The following SLC39A11 variants were observed in gnomAD, a reference collection of about 807,000 sequenced individuals.
SLC39A11 encodes the protein zinc transporter ZIP11.
Under a neutral mutation model 36.1 loss-of-function variants are expected in SLC39A11, and 33 were observed. The observed-to-expected ratio is 0.91, with a 90% CI of 0.69 to 1.22. The LOEUF (loss-of-function observed/expected upper bound fraction) is 1.22. Among genes scored for constraint, SLC39A11 ranks in the 50% most tolerant of loss-of-function variants. The pLI is 0.00. For synonymous variants in SLC39A11, 166 were observed against 170.3 expected, an observed-to-expected ratio of 0.97 and a Z score of 0.20; for missense variants, 432 against 430.3, an observed-to-expected ratio of 1.00 and a Z score of -0.03.
At chr17:72,737,881 G>T (rs2074499644) in intron 6 of SLC39A11, among the ~76,000 whole-genome samples, 1 of 152,168 alleles carries the variant, frequency 6.6e-6, no homozygotes, top group African/African-American at 2.4e-5. Flanking sequence ...GGCTGGGAAA[G>T]AGTCTACCCT....
chr17:72,849,608 T>G, intron 6 of SLC39A11, 26 bp downstream of exon 6: 1 of 1,464,704 alleles, frequency 6.8e-7, no homozygotes, highest in Non-Finnish European at 9.1e-7. Flanking sequence ...AGGCAGTGGC[T>G]GTCACGCTCA....
At chr17:72,681,977 C>T (rs927859390) in intron 7 of SLC39A11, among the ~76,000 whole-genome samples, 2 of 152,136 alleles carry the variant, frequency 1.3e-5, no homozygotes, top group Non-Finnish European at 2.9e-5. Flanking sequence ...GGCAAGCGAA[C>T]GAAGCTTCAT....
chr17:72,935,773 CG>C (rs1433855436), intron 5 of SLC39A11, among the ~76,000 whole-genome samples: 1 of 152,002 alleles, frequency 6.6e-6, no homozygotes, highest in African/African-American at 2.4e-5. Context: ...TTCGTAGACA[CG>C]GGGTTTCACC....
In SLC39A11 at chr17:72,773,972, A is replaced by C. The variant is rs373764153; in HGVS notation, c.602-37253T>G. On this transcript the variant is annotated intron_variant, in intron 6 of 9. Coordinates refer to ENST00000255559, the MANE Select transcript of SLC39A11 (RefSeq NM_139177.4). The stretch of plus-strand genomic sequence containing the variant: ...ATCTATGTTTCCTCTTACACCAAAG[A>C]GCAAGACATGGCATTAACGAAGCCA... Among the ~76,000 whole-genome samples, 31 of 152,274 alleles carry C rather than the reference A, an allele frequency of 2.0e-4. No individual in the cohort carries two copies. The East Asian group carries it at 5.4e-3, about 27-fold the overall frequency.
chr17:72,992,148 T>C (rs1391242708), intron 4 of SLC39A11, among the ~76,000 whole-genome samples: 2 of 152,138 alleles, frequency 1.3e-5, no homozygotes, highest in African/African-American at 4.8e-5. Flanking sequence ...GTTCAGGAGT[T>C]CCAGACCAGC....
In SLC39A11 at chr17:72,992,354, C is replaced by CA. The variant is rs540544124; in HGVS notation, c.306+39201dup. Among the ~76,000 whole-genome samples, 5 of 152,236 alleles carry CA rather than the reference C, an allele frequency of 3.3e-5. No homozygotes were observed. The South Asian group carries it at 1.0e-3, about 32-fold the overall frequency. ...GGGTGACAAGAGTGAAACTTCATCTCAAAAAACGAACAAAAAAAGAAAAAC... is the reference window on the plus strand; with the variant it reads ...GGGTGACAAGAGTGAAACTTCATCTCAAAAAAACGAACAAAAAAAGAAAAAC... On this transcript the variant is annotated intron_variant, in intron 4 of 9. Transcript: ENST00000255559.
Position 72,646,679 on chromosome 17 carries a change from T to C in SLC39A11, c.*905A>G, listed in dbSNP as rs895578782. ...TTTCATTCACTTGAGTTAACTGAAATGGCTCCTTCTTTGAGTAATTGAAGA... is the reference window on the plus strand; with the variant it reads ...TTTCATTCACTTGAGTTAACTGAAACGGCTCCTTCTTTGAGTAATTGAAGA... On this transcript the variant is annotated 3_prime_UTR_variant, in exon 10 of 10. Transcript: ENST00000255559. The C allele has an allele frequency of 2.0e-5, 3 of 152,650 alleles. No homozygotes were observed. The highest frequency in any genetic ancestry group is 3.8e-4 in the East Asian group (2 of 5,196). The allele number at this position is 152,650 out of a possible 1,614,324, so 9.5% of individuals were successfully genotyped here. A position where few individuals can be genotyped will look rare whatever the true frequency, so the allele number is the denominator to read the frequency against.
At chr17:72,688,338 G>A (rs546893339) in intron 7 of SLC39A11, among the ~76,000 whole-genome samples, 3 of 152,358 alleles carry the variant, frequency 2.0e-5, no homozygotes, top group South Asian at 4.1e-4. Context: ...CATTATGGCA[G>A]GAGAGAGATG....
At chr17:72,915,184 G>A (rs2083263354) in intron 5 of SLC39A11, among the ~76,000 whole-genome samples, 2 of 152,088 alleles carry the variant, frequency 1.3e-5, no homozygotes, top group Non-Finnish European at 2.9e-5. Flanking sequence ...CTCCTCAAGA[G>A]AGGAAACAGC....
chr17:72,748,270 C>T (rs966556756), intron 6 of SLC39A11, among the ~76,000 whole-genome samples: 5 of 150,226 alleles, frequency 3.3e-5, no homozygotes, highest in East Asian at 1.9e-4. Context: ...TGCAGTGAGC[C>T]GAGATCGCGC....
chr17:72,856,171 T>C (rs1335307890), intron 5 of SLC39A11, among the ~76,000 whole-genome samples: 1 of 152,224 alleles, frequency 6.6e-6, no homozygotes, highest in African/African-American at 2.4e-5. Flanking sequence ...AGGAAGGCTG[T>C]GTCACTTACC....
intron 4 of SLC39A11, among the ~76,000 whole-genome samples, chr17:73,025,243 G>A (rs184608187): frequency 5.3e-5 from 8 of 152,290 alleles, no homozygotes; most frequent in Middle Eastern, 3.4e-3. Context: ...GGAGGAGACA[G>A]CCTCAGGGTC....
Position 72,900,193 on chromosome 17 carries a change from GAA to G in SLC39A11, c.430+47557_430+47558del, listed in dbSNP as rs1567912885. Among the ~76,000 whole-genome samples the G allele has an allele frequency of 2.1e-5, 3 of 146,044 alleles. 1 individual carries two copies. ...AGAAAGAAAGAAAGAAAGAAAGAAA[GAA>G]AGAAAGAAAGAAAGAAAGAAAGAAA... On this transcript the variant is annotated intron_variant, in intron 5 of 9. Transcript: ENST00000255559.
At chr17:72,847,431 A>G (rs1159917844) in intron 6 of SLC39A11, among the ~76,000 whole-genome samples, 2 of 151,902 alleles carry the variant, frequency 1.3e-5, no homozygotes, top group African/African-American at 4.8e-5. Flanking sequence ...AAATTGGAAA[A>G]CCAACTAAAA....
At chr17:72,908,008 T>C (rs995510269) in intron 5 of SLC39A11, among the ~76,000 whole-genome samples, 1 of 152,214 alleles carries the variant, frequency 6.6e-6, no homozygotes, top group Admixed American at 6.5e-5. Context: ...AGCTTGGCTC[T>C]TGTCTTCTCA....
intron 5 of SLC39A11, among the ~76,000 whole-genome samples, chr17:72,877,814 T>TTTATTA (rs534543674): frequency 2.7e-5 from 4 of 150,396 alleles, no homozygotes; most frequent in Admixed American, 6.6e-5. Context: ...TTTATTTTTA[T>TTTATTA]TTATTATTAT....
At position 72,647,529 on chromosome 17, in the gene SLC39A11, C is replaced by T. The variant is rs1405978561; in HGVS notation, c.*55G>A. On this transcript the variant is annotated 3_prime_UTR_variant, in exon 10 of 10. Coordinates refer to ENST00000255559, the MANE Select transcript of SLC39A11 (RefSeq NM_139177.4). ...AAAGAAGCTTGTTGTCCCATAGAAGCCAACCACTGCTGTTTCTTCGTATGG... is the reference window on the plus strand; with the variant it reads ...AAAGAAGCTTGTTGTCCCATAGAAGTCAACCACTGCTGTTTCTTCGTATGG... 2.0e-6 allele frequency: 3 copies of T among 1,480,376 alleles called. No homozygotes were observed. The Admixed American group carries it at 5.5e-5, about 27-fold the overall frequency. The allele number at this position is 1,480,376 out of a possible 1,614,324, so 91.7% of individuals were successfully genotyped here. A position where few individuals can be genotyped will look rare whatever the true frequency, so the allele number is the denominator to read the frequency against.
intron 6 of SLC39A11, among the ~76,000 whole-genome samples, chr17:72,833,734 A>T (rs1427091049): frequency 6.6e-6 from 1 of 152,132 alleles, no homozygotes; most frequent in Non-Finnish European, 1.5e-5. Context: ...GGACAAGATG[A>T]TGAGCTACTA....
At chr17:72,724,816 AT>A (rs1332298871) in intron 7 of SLC39A11, among the ~76,000 whole-genome samples, 14 of 151,546 alleles carry the variant, frequency 9.2e-5, no homozygotes, top group Admixed American at 2.6e-4. Context: ...AAAAAAAAAA[AT>A]ACTTAAGAGG....
Sources: allele counts gnomAD v4.1 joint callset (sites outside exome capture counted in the v4.1 genomes callset), GRCh38; gene constraint gnomAD v4.1.1; transcripts MANE v1.5; gene names NCBI Gene and HGNC (gene_info 2026-07-23, HGNC 2026-07-21).